WASHC5: variants seen among roughly 807,000 people sequenced by gnomAD.
WASHC5 encodes the protein WASH complex subunit 5, also known as WASH complex subunit strumpellin.
Under a neutral mutation model 150.4 loss-of-function variants are expected in WASHC5, and 101 were observed. That is an observed-to-expected ratio of 0.67 (90% CI 0.57 to 0.79). The LOEUF is 0.79. Ranked by LOEUF, WASHC5 falls within the 30% of genes least tolerant of loss-of-function variation. WASHC5 has a pLI of 0.00. For missense variants in WASHC5, 1,195 were observed against 1,396.3 expected (o/e 0.86, Z 2.30); for synonymous variants, 467 against 491.2 (o/e 0.95, Z 0.65).
intron 1 of WASHC5, among the ~76,000 whole-genome samples, chr8:125,085,871 C>T (rs1289956317): frequency 2.0e-5 from 3 of 152,272 alleles, no homozygotes; most frequent in South Asian, 2.1e-4. Context: ...TACGCTACTC[C>T]TTCTTACATT....
intron 23 of WASHC5, 70 bp downstream of exon 23, chr8:125,043,755 C>A: frequency 3.6e-6 from 4 of 1,120,498 alleles, no homozygotes; most frequent in Non-Finnish European, 5.4e-6. Flanking sequence ...TTTTGGGCAA[C>A]AAAGTTACAA....
At position 125,056,631 on chromosome 8, in the gene WASHC5, T is replaced by G. The variant is rs2303523; in HGVS notation, c.2016+46A>C. ...ACACAGGCCTGTGATATTTCATGAC[T>G]GTTAGTTTTTAATATGAAAAGGCAG... On this transcript the variant is annotated intron_variant, in intron 16 of 28. Transcript: ENST00000318410. The G allele has an allele frequency of 0.089, 144,060 of 1,609,934 alleles. 7,104 individuals are homozygous for G. The highest frequency in any genetic ancestry group is 0.22 in the Middle Eastern group (1,347 of 6,010).
intron 12 of WASHC5, among the ~76,000 whole-genome samples, chr8:125,060,485 CAAA>C (rs58207257): frequency 1.5e-5 from 2 of 130,154 alleles, no homozygotes; most frequent in Non-Finnish European, 3.5e-5. Flanking sequence ...GATTCCGTCT[CAAA>C]AAAAAAAAAA....
chr8:125,057,524 A>G (rs1472867632), intron 15 of WASHC5, 32 bp downstream of exon 15: 1 of 1,367,662 alleles, frequency 7.3e-7, no homozygotes, highest in Non-Finnish European at 1.0e-6. Context: ...GTTATCTGGC[A>G]AGAGTAAATA....
intron 10 of WASHC5, among the ~76,000 whole-genome samples, chr8:125,066,994 T>C (rs1309055520): frequency 6.6e-6 from 1 of 152,118 alleles, no homozygotes; most frequent in Non-Finnish European, 1.5e-5. Flanking sequence ...AATATCTGAG[T>C]TCATATTTAC....
At chr8:125,069,047 T>C (rs1816828575) in intron 9 of WASHC5, among the ~76,000 whole-genome samples, 1 of 152,182 alleles carries the variant, frequency 6.6e-6, no homozygotes, top group South Asian at 2.1e-4. Context: ...AAAGTTCACA[T>C]GTTAGACACT....
chr8:125,043,723 CAAAA>C (rs1289409572), intron 23 of WASHC5, 98 bp downstream of exon 23: 3 of 787,412 alleles, frequency 3.8e-6, no homozygotes, highest in African/African-American at 1.8e-5. Context: ...GATTTAATGA[CAAAA>C]GAAAGAAGAG....
chr8:125,046,027 C>T (rs551109591), intron 20 of WASHC5, among the ~76,000 whole-genome samples: 8 of 152,296 alleles, frequency 5.3e-5, no homozygotes, highest in African/African-American at 1.9e-4. Flanking sequence ...TAAGGTTATG[C>T]ATAGTTTCTC....
At chr8:125,044,732 G>A (rs758529569) in intron 20 of WASHC5, 34 bp from the exon 21 acceptor site, 1 of 1,607,342 alleles carries the variant, frequency 6.2e-7, no homozygotes, top group Non-Finnish European at 8.5e-7. Flanking sequence ...CCCCAGAATG[G>A]CTCAGAATTC....
chr8:125,044,994 G>A (rs560699242), intron 20 of WASHC5: 3 of 414,850 alleles, frequency 7.2e-6, no homozygotes, highest in East Asian at 1.0e-4. Context: ...GACAAGGTTA[G>A]GTTCAGCTGT....
intron 1 of WASHC5, among the ~76,000 whole-genome samples, chr8:125,086,293 T>G (rs1042966174): frequency 1.3e-5 from 2 of 152,178 alleles, no homozygotes; most frequent in African/African-American, 4.8e-5. Flanking sequence ...TGTCTTCGCA[T>G]GGCCACCCCA....
chr8:125,046,366 C>T (rs1385405726), intron 20 of WASHC5, among the ~76,000 whole-genome samples: 1 of 152,160 alleles, frequency 6.6e-6, no homozygotes, highest in Non-Finnish European at 1.5e-5. Context: ...TGGTGCTCAC[C>T]TAAAATATTC....
Position 125,039,788 on chromosome 8 carries a change from CACTT to C in WASHC5, c.2954+3_2954+6del, listed in dbSNP as rs1324771775. 2.5e-6 allele frequency: 4 copies of C among 1,595,182 alleles called. No homozygotes were observed. The highest frequency in any genetic ancestry group is 2.6e-6 in the Non-Finnish European group (3 of 1,162,806). ...CACGGATGGCTGTTTCAAACCCTGG[CACTT>C]ACTTATTGAGATTCTCCAGAGCAGC... is the stretch of plus-strand genomic sequence containing the variant. On this transcript the variant is annotated splice_donor_5th_base_variant and intron_variant, in intron 24 of 28. Coordinates refer to ENST00000318410, the MANE Select transcript of WASHC5 (RefSeq NM_014846.4).
intron 10 of WASHC5, among the ~76,000 whole-genome samples, chr8:125,065,484 C>G (rs191196170): frequency 6.6e-6 from 1 of 152,168 alleles, no homozygotes; most frequent in Admixed American, 6.5e-5. Context: ...GAAATACAGG[C>G]TTGGTCAGTC....
At chr8:125,045,832 T>C (rs574359175) in intron 20 of WASHC5, among the ~76,000 whole-genome samples, 57 of 152,258 alleles carry the variant, frequency 3.7e-4, no homozygotes, top group African/African-American at 1.4e-3. Context: ...TCATATATGA[T>C]GTGGAAATTC....
chr8:125,068,267 AAAC>A (rs1816805425), intron 9 of WASHC5, among the ~76,000 whole-genome samples: 1 of 152,226 alleles, frequency 6.6e-6, no homozygotes, highest in South Asian at 2.1e-4. Context: ...ATGATTGTAC[AAAC>A]AACGTTTTCC....
chr8:125,067,507 CA>C (rs1332150415), intron 10 of WASHC5, 84 bp downstream of exon 10: 1 of 1,151,922 alleles, frequency 8.7e-7, no homozygotes, highest in African/African-American at 1.6e-5. Context: ...AGAGACAGAG[CA>C]AGCAATCCTA....
intron 9 of WASHC5, among the ~76,000 whole-genome samples, chr8:125,072,184 A>T (rs1479782285): frequency 1.3e-5 from 2 of 151,966 alleles, no homozygotes; most frequent in Non-Finnish European, 2.9e-5. Context: ...CTACAAAAAA[A>T]TACAAAAAAC....
At chr8:125,081,579 T>C in intron 5 of WASHC5, 82 bp downstream of exon 5, 3 of 826,984 alleles carry the variant, frequency 3.6e-6, no homozygotes, top group South Asian at 1.3e-5. Context: ...TTACTGCTGT[T>C]CACAGTATAA....
Sources: allele counts gnomAD v4.1 joint callset (sites outside exome capture counted in the v4.1 genomes callset), GRCh38; gene constraint gnomAD v4.1.1; transcripts MANE v1.5; gene names NCBI Gene and HGNC (gene_info 2026-07-23, HGNC 2026-07-21).